The following DNAH14 variants were observed in gnomAD, a reference collection of about 807,000 sequenced individuals.
DNAH14 encodes axonemal beta dynein heavy chain 14.
DNAH14 carries 478 observed loss-of-function variants against 520.9 expected under a neutral mutation model. The observed-to-expected ratio is 0.92, with a 90% confidence interval of 0.85 to 0.99. DNAH14 has a LOEUF of 0.99. Ranked by LOEUF, DNAH14 falls within the 50% of genes least tolerant of loss-of-function variation. The probability of loss-of-function intolerance (pLI) is 0.00; values close to 1 mark genes in which losing one functional copy is unlikely to be tolerated. For synonymous variants in DNAH14, 1,581 were observed against 1,757.2 expected (o/e 0.90, Z 2.51); for missense variants, 4,831 against 5,234.5 (o/e 0.92, Z 2.38).
At chr1:225,277,025 G>A (rs1424300576) in intron 53 of DNAH14, among the ~76,000 whole-genome samples, 1 of 106,362 alleles carries the variant, frequency 9.4e-6, no homozygotes, top group African/African-American at 3.8e-5. Context: ...GAGGGAGGGA[G>A]GGAGGAAGGG....
In DNAH14 at chr1:225,380,267, A is replaced by G. The variant is rs756084403; in HGVS notation, c.12825A>G (p.Thr4275=). 1.4e-5 allele frequency: 21 copies of G among 1,551,582 alleles called. No homozygotes were observed. Among genetic ancestry groups the G allele is most frequent in the Admixed American group, 2.0e-5 (1 of 50,994 alleles). The change falls in exon 80 of 86, where the codon ACA becomes ACG. Residue 4275 remains threonine, a synonymous_variant. Coordinates refer to ENST00000682510, the MANE Select transcript of DNAH14 (RefSeq NM_001367479.1). The part of the protein sequence containing the change: ...KEEIAVGTPS[T]LKSMMSSSIW... Reference sequence around the variant, plus strand: ...AAATTGCTGTTGGAACTCCAAGCACATTGAAGAGCATGATGTCAAGCTCCA... The same window carrying G: ...AAATTGCTGTTGGAACTCCAAGCACGTTGAAGAGCATGATGTCAAGCTCCA...
chr1:224,960,837 G>T (rs2060799546), intron 4 of DNAH14, among the ~76,000 whole-genome samples: 1 of 152,066 alleles, frequency 6.6e-6, no homozygotes, highest in Non-Finnish European at 1.5e-5. Context: ...TAAAGCTATT[G>T]AAGCCTAAGC....
In DNAH14 at chr1:225,363,431, C is replaced by T. The variant is rs115464850; in HGVS notation, c.11988-1361C>T. On this transcript the variant is annotated intron_variant, in intron 75 of 85. Coordinates refer to ENST00000682510, the MANE Select transcript of DNAH14 (RefSeq NM_001367479.1). ...GTCTGTTTATTTAGAGGTGAGGTCTCGCTATGTTGCCCTAGCTGAACTTGA... is the reference window on the plus strand; with the variant it reads ...GTCTGTTTATTTAGAGGTGAGGTCTTGCTATGTTGCCCTAGCTGAACTTGA... Among the ~76,000 whole-genome samples the T allele has an allele frequency of 4.1e-3, 628 of 152,262 alleles. 7 individuals are homozygous for T. The highest frequency in any genetic ancestry group is 0.014 in the African/African-American group (583 of 41,518).
At chr1:224,983,332 A>T (rs2062404217) in intron 8 of DNAH14, among the ~76,000 whole-genome samples, 1 of 152,130 alleles carries the variant, frequency 6.6e-6, no homozygotes, top group East Asian at 1.9e-4. Context: ...CTTTAAGTTT[A>T]TGTTAGTCCT....
At chr1:225,035,737 CT>C (rs1449535294) in intron 11 of DNAH14, among the ~76,000 whole-genome samples, 1 of 151,770 alleles carries the variant, frequency 6.6e-6, no homozygotes, top group Non-Finnish European at 1.5e-5. Flanking sequence ...TGTTTTAAGA[CT>C]TTTTTTGATC....
At chr1:225,381,156 T>C (rs1410412776) in intron 80 of DNAH14, among the ~76,000 whole-genome samples, 1 of 152,212 alleles carries the variant, frequency 6.6e-6, no homozygotes, top group Non-Finnish European at 1.5e-5. Context: ...ACATAGTAGA[T>C]AGTGTGGCCG....
Position 225,259,130 on chromosome 1 carries a change from G to C in DNAH14, c.7034G>C (p.Gly2345Ala). The C allele has an allele frequency of 1.3e-6, 2 of 1,542,268 alleles. No homozygotes were observed. The highest frequency in any genetic ancestry group is 1.7e-6 in the Non-Finnish European group (2 of 1,144,404). The change falls in exon 46 of 86, where the codon GGT becomes GCT. Residue 2345 changes from glycine to alanine, a missense_variant. Physicochemically the swap from Gly to Ala is moderately conservative, Grantham distance 60 (BLOSUM62 0). Coordinates refer to ENST00000682510, the MANE Select transcript of DNAH14 (RefSeq NM_001367479.1). Reference sequence around the variant, plus strand: ...GTATTTTTTCCCTTAGGAGAATCTGGTGTTGGGAAAACTGCTGCCATTAAT... The same window carrying C: ...GTATTTTTTCCCTTAGGAGAATCTGCTGTTGGGAAAACTGCTGCCATTAAT... ...SCPVLLTGES[G>A]VGKTAAINQM...
intron 66 of DNAH14, among the ~76,000 whole-genome samples, chr1:225,333,995 A>C (rs1396482156): frequency 6.6e-6 from 1 of 152,200 alleles, no homozygotes; most frequent in Non-Finnish European, 1.5e-5. Flanking sequence ...TTGGATCCCC[A>C]CTGATAATTT....
intron 6 of DNAH14, chr1:224,968,008 A>C: frequency 1.1e-6 from 1 of 922,916 alleles, no homozygotes; most frequent in Non-Finnish European, 1.3e-6. Flanking sequence ...CACAAGTTGA[A>C]AATATACAAT....
At chr1:225,013,988 G>A (rs921066914) in intron 10 of DNAH14, among the ~76,000 whole-genome samples, 4 of 152,008 alleles carry the variant, frequency 2.6e-5, no homozygotes, top group Non-Finnish European at 5.9e-5. Flanking sequence ...GGTGTTCCAG[G>A]TGCCACTGGG....
At chr1:225,270,670 C>T (rs1482811780) in intron 49 of DNAH14, 65 bp from the exon 50 acceptor site, 36 of 1,398,124 alleles carry the variant, frequency 2.6e-5, no homozygotes, top group South Asian at 9.1e-5. Context: ...GGGACAGAGA[C>T]GTAGGTACAT....
chr1:225,367,044 C>G (rs985085342), intron 76 of DNAH14, among the ~76,000 whole-genome samples: 4 of 138,540 alleles, frequency 2.9e-5, no homozygotes, highest in Non-Finnish European at 4.7e-5. Flanking sequence ...CACACACACA[C>G]AGCTCTATGC....
intron 36 of DNAH14, among the ~76,000 whole-genome samples, chr1:225,177,160 C>T (rs550014917): frequency 1.3e-5 from 2 of 152,326 alleles, no homozygotes; most frequent in Admixed American, 1.3e-4. Context: ...GTAAAGGTGA[C>T]TCTTGTTAAG....
intron 41 of DNAH14, among the ~76,000 whole-genome samples, chr1:225,215,030 C>T (rs1431335099): frequency 1.3e-5 from 2 of 152,156 alleles, no homozygotes; most frequent in Non-Finnish European, 2.9e-5. Context: ...TTCCTGCTTT[C>T]TCTTGTGGTC....
At chr1:225,139,350 C>T (rs182773838) in intron 27 of DNAH14, among the ~76,000 whole-genome samples, 3 of 152,342 alleles carry the variant, frequency 2.0e-5, no homozygotes, top group African/African-American at 7.2e-5. Context: ...AGCCTGTATT[C>T]TGTTTCTAGA....
rs1193834939 is a variant in DNAH14, at chr1:225,274,194, G to GTTTTTTTTTTTTTTTT, written c.8010+1071_8010+1072insTTTTTTTTTTTTTTTT. Among the ~76,000 whole-genome samples the GTTTTTTTTTTTTTTTT allele has an allele frequency of 1.7e-3, 202 of 120,284 alleles. 34 individuals are homozygous for GTTTTTTTTTTTTTTTT. The highest frequency in any genetic ancestry group is 4.9e-3 in the Middle Eastern group (1 of 204). 78.9% of individuals were successfully genotyped at this position (120,284 alleles called of 152,430 possible). A position where few individuals can be genotyped will look rare whatever the true frequency, so the allele number is the denominator to read the frequency against. On this transcript the variant is annotated intron_variant, in intron 52 of 85. Coordinates refer to ENST00000682510, the MANE Select transcript of DNAH14 (RefSeq NM_001367479.1). ...TTTCTCTGCATCCTCACCAGCATCTGTTATTTTTTTTTTTTTTTTTTTTTT... is the reference window on the plus strand; with the variant it reads ...TTTCTCTGCATCCTCACCAGCATCTGTTTTTTTTTTTTTTTTTTATTTTTTTTTTTTTTTTTTTTTT...
intron 10 of DNAH14, among the ~76,000 whole-genome samples, chr1:225,016,499 A>G (rs1166915640): frequency 1.3e-5 from 2 of 152,128 alleles, no homozygotes; most frequent in Admixed American, 6.5e-5. Flanking sequence ...GACTTTGTCA[A>G]TTTGACTATA....
chr1:225,139,124 T>C (rs961120630), intron 27 of DNAH14, among the ~76,000 whole-genome samples: 2 of 152,232 alleles, frequency 1.3e-5, no homozygotes, highest in African/African-American at 4.8e-5. Context: ...AAATCTTCTT[T>C]GTCCCTTTTG....
At chr1:225,104,510 G>C (rs62102160) in intron 23 of DNAH14, among the ~76,000 whole-genome samples, 10,502 of 152,070 alleles carry the variant, frequency 0.069, 578 homozygotes, top group East Asian at 0.24. Flanking sequence ...GAATCCATCT[G>C]GTCCTGGACT....
Sources: gnomAD v4.1 joint callset for allele counts (sites outside exome capture counted in the v4.1 genomes callset) on GRCh38, gnomAD v4.1.1 for gene constraint, MANE v1.5 for transcripts, NCBI Gene and HGNC (gene_info 2026-07-23, HGNC 2026-07-21) for gene names.